PPP5C: variants seen among roughly 807,000 people sequenced by gnomAD.
PPP5C encodes the protein protein phosphatase 5 catalytic subunit.
Under a neutral mutation model 66.7 loss-of-function variants are expected in PPP5C, and 21 were observed. That is an observed-to-expected ratio of 0.31 (90% confidence interval 0.22 to 0.45). PPP5C has a LOEUF of 0.45. Among genes scored for constraint, PPP5C ranks in the 20% least tolerant of loss-of-function variants. The pLI is 1.00. For synonymous variants in PPP5C, 246 were observed against 257.4 expected (o/e 0.96, Z 0.43); for missense variants, 464 against 675.9 (o/e 0.69, Z 3.48).
intron 2 of PPP5C, among the ~76,000 whole-genome samples, chr19:46,361,129 ATTTT>A (rs59090221): frequency 1.4e-5 from 2 of 140,224 alleles, no homozygotes; most frequent in African/African-American, 5.3e-5. Flanking sequence ...GTGAAAGAAA[ATTTT>A]TTTTTTTTTT....
chr19:46,349,309 G>A (rs1972142117), intron 1 of PPP5C, among the ~76,000 whole-genome samples: 1 of 151,942 alleles, frequency 6.6e-6, no homozygotes, highest in Admixed American at 6.6e-5. Context: ...AAAGAGAGAA[G>A]ATGCAGTGTC....
intron 2 of PPP5C, among the ~76,000 whole-genome samples, chr19:46,369,556 C>T (rs1972548222): frequency 2.0e-5 from 3 of 149,346 alleles, no homozygotes; most frequent in Admixed American, 6.7e-5. Flanking sequence ...GGCGTGAACC[C>T]GGGAGGCAGA....
At chr19:46,348,728 G>A (rs545726459) in intron 1 of PPP5C, among the ~76,000 whole-genome samples, 87 of 152,240 alleles carry the variant, frequency 5.7e-4, no homozygotes, top group African/African-American at 2.0e-3. Context: ...CTAGAGGGGG[G>A]ACTTAGGACA....
Position 46,383,058 on chromosome 19 carries a change from T to A in PPP5C, c.634-353T>A. The A allele has an allele frequency of 1.8e-6, 2 of 1,112,782 alleles. No homozygotes were observed. The highest frequency in any genetic ancestry group is 1.7e-5 in the South Asian group (1 of 59,806). The allele number at this position is 1,112,782 out of a possible 1,614,324, so 68.9% of individuals were successfully genotyped here. A position where few individuals can be genotyped will look rare whatever the true frequency, so the allele number is the denominator to read the frequency against. Reference sequence around the variant, plus strand: ...GTCTCACTTCTTTTTTGGGAGACTCTTTTATGACAGTGACATTGCGCTGTG... The same window carrying A: ...GTCTCACTTCTTTTTTGGGAGACTCATTTATGACAGTGACATTGCGCTGTG... On this transcript the variant is annotated intron_variant, in intron 4 of 12. Coordinates refer to ENST00000012443, the MANE Select transcript of PPP5C (RefSeq NM_006247.4). This position sits in a 1 kb window ranked among gnomAD's most constrained non-coding sequence, Gnocchi z 5.0.
At chr19:46,377,138 C>T (rs1024872175) in intron 4 of PPP5C, among the ~76,000 whole-genome samples, 1 of 152,150 alleles carries the variant, frequency 6.6e-6, no homozygotes, top group Non-Finnish European at 1.5e-5. Flanking sequence ...TATGAGGATG[C>T]GGGACTTCTT....
chr19:46,360,778 T>C (rs1156839797), intron 2 of PPP5C, among the ~76,000 whole-genome samples: 1 of 152,178 alleles, frequency 6.6e-6, no homozygotes, highest in Non-Finnish European at 1.5e-5. Context: ...TTACATGTGT[T>C]AGCCACCACG....
rs139888881 is a variant in PPP5C, at chr19:46,366,377, A to G, written c.364-9227A>G. Among the ~76,000 whole-genome samples the G allele has an allele frequency of 4.1e-3, 628 of 151,852 alleles. 5 individuals are homozygous for G. Among genetic ancestry groups the G allele is most frequent in the African/African-American group, 0.014 (592 of 41,406 alleles). On this transcript the variant is annotated intron_variant, in intron 2 of 12. Coordinates refer to ENST00000012443, the MANE Select transcript of PPP5C (RefSeq NM_006247.4). ...GTTTTTTTTTTAGAGACAGAATTTT[A>G]CTCTGTCACCCAGGCTAGAGTGCAG...
At chr19:46,385,561 T>C (rs1056155499) in intron 7 of PPP5C, among the ~76,000 whole-genome samples, 2 of 152,086 alleles carry the variant, frequency 1.3e-5, no homozygotes, top group Non-Finnish European at 2.9e-5. Context: ...AGGTGGATCA[T>C]CTGAGGTCAA....
At chr19:46,372,524 C>G (rs149539318) in intron 2 of PPP5C, among the ~76,000 whole-genome samples, 1 of 152,310 alleles carries the variant, frequency 6.6e-6, no homozygotes, top group African/African-American at 2.4e-5. Context: ...TCTACCAAAT[C>G]ACCTTACTAA....
chr19:46,355,196 G>A (rs971096865), intron 2 of PPP5C, among the ~76,000 whole-genome samples: 3 of 152,238 alleles, frequency 2.0e-5, no homozygotes, highest in Non-Finnish European at 4.4e-5. Context: ...TCCCTGAGAC[G>A]GGGCCGTGCG....
At chr19:46,355,832 C>G (rs1972275850) in intron 2 of PPP5C, among the ~76,000 whole-genome samples, 1 of 151,702 alleles carries the variant, frequency 6.6e-6, no homozygotes, top group Non-Finnish European at 1.5e-5. Context: ...GGAAGGGGGC[C>G]TGGGGAGACA....
chr19:46,389,948 C>CCTCCCT lies in PPP5C; in HGVS notation c.1356-94_1356-89dup, dbSNP rs543778368. 3.3e-4 allele frequency: 336 copies of CCTCCCT among 1,016,058 alleles called. 1 individual carries two copies. The African/African-American group carries it at 4.7e-3, about 14-fold the overall frequency. 62.9% of individuals were successfully genotyped at this position (1,016,058 alleles called of 1,614,324 possible). A position where few individuals can be genotyped will look rare whatever the true frequency, so the allele number is the denominator to read the frequency against. On this transcript the variant is annotated intron_variant, in intron 11 of 12. Transcript: ENST00000012443. ...CATCTGTGTCTGTTGTGGCTCTGTC[C>CCTCCCT]CTCCCTCTCCCTCTGTCCCTTCTTG...
chr19:46,373,352 C>T (rs566098352), intron 2 of PPP5C, among the ~76,000 whole-genome samples: 2 of 152,334 alleles, frequency 1.3e-5, no homozygotes, highest in South Asian at 2.1e-4. Flanking sequence ...TTCACCTCCC[C>T]GGGCCTTGGT....
At chr19:46,364,146 A>G in intron 2 of PPP5C, among the ~76,000 whole-genome samples, 1 of 152,242 alleles carries the variant, frequency 6.6e-6, no homozygotes, top group East Asian at 1.9e-4. Context: ...GTGTATAATT[A>G]GGAGCAGTTT....
intron 4 of PPP5C, among the ~76,000 whole-genome samples, chr19:46,377,594 C>T (rs577100576): frequency 2.0e-5 from 3 of 152,296 alleles, no homozygotes; most frequent in African/African-American, 7.2e-5. Flanking sequence ...TGCCCACTGC[C>T]CAAACAAGTT....
rs1373815569 is a variant in PPP5C, at chr19:46,390,845, G to A, written c.*499G>A. The A allele has an allele frequency of 1.1e-5, 12 of 1,127,934 alleles. No homozygotes were observed. Among genetic ancestry groups the A allele is most frequent in the South Asian group, 4.0e-5 (2 of 49,478 alleles). 69.9% of individuals were successfully genotyped at this position (1,127,934 alleles called of 1,614,324 possible). On this transcript the variant is annotated 3_prime_UTR_variant, in exon 13 of 13. Transcript: ENST00000012443. The stretch of plus-strand genomic sequence containing the variant: ...AATATGTTAAAATAAAGTCATTATC[G>A]GAAGTCAGCTTGTCTCTGGATGGTG...
At chr19:46,370,834 G>A (rs1463383654) in intron 2 of PPP5C, among the ~76,000 whole-genome samples, 24 of 151,876 alleles carry the variant, frequency 1.6e-4, no homozygotes, top group Non-Finnish European at 3.2e-4. Flanking sequence ...TCCGCCTCCC[G>A]GGTTCATACC....
At chr19:46,350,625 A>G (rs1172827537) in intron 1 of PPP5C, among the ~76,000 whole-genome samples, 3 of 152,208 alleles carry the variant, frequency 2.0e-5, no homozygotes, top group Non-Finnish European at 4.4e-5. Flanking sequence ...ATAAAAAAGA[A>G]TAATGACAGC....
chr19:46,386,937 C>G (rs1021577994), intron 7 of PPP5C, 156 bp from the exon 8 acceptor site: 7 of 1,012,978 alleles, frequency 6.9e-6, no homozygotes, highest in East Asian at 5.2e-5. Context: ...AAGATTCCCC[C>G]CTTGGTACCT....
Sources: gnomAD v4.1 joint callset for allele counts (sites outside exome capture counted in the v4.1 genomes callset) on GRCh38, gnomAD v4.1.1 for gene constraint, Gnocchi (gnomAD v3.1) non-coding constraint, MANE v1.5 for transcripts, NCBI Gene and HGNC (gene_info 2026-07-23, HGNC 2026-07-21) for gene names.